Variants in ZNF627 observed in about 807,000 individuals in gnomAD.
The protein encoded by ZNF627 is zinc finger protein 627.
Under a neutral mutation model 10.6 loss-of-function variants are expected in ZNF627, and 12 were observed. That is an observed-to-expected ratio of 1.13 (90% CI 0.73 to 1.84). ZNF627 has a LOEUF of 1.84. ZNF627 is among the 40% of genes most tolerant of loss of function. The pLI, the probability that ZNF627 is intolerant of heterozygous loss-of-function variation, is 0.00. For missense variants in ZNF627, 504 were observed against 568.4 expected (o/e 0.89, Z 1.15); for synonymous variants, 176 against 187.1 (o/e 0.94, Z 0.48).
chr19:11,604,884 G>A (rs981211263), intron 1 of ZNF627, among the ~76,000 whole-genome samples: 2 of 152,014 alleles, frequency 1.3e-5, no homozygotes, highest in Non-Finnish European at 2.9e-5. Flanking sequence ...GGGTCTCATA[G>A]GTGGGAGAAA....
chr19:11,609,515 A>ATATATATG (rs1568441777), intron 1 of ZNF627, among the ~76,000 whole-genome samples: 6 of 92,966 alleles, frequency 6.5e-5, no homozygotes, highest in Admixed American at 3.4e-4. Flanking sequence ...ATATATATAT[A>ATATATATG]TATGTATTTT....
chr19:11,616,564 C>A (rs1470991796), intron 3 of ZNF627, 131 bp from the exon 4 acceptor site: 12 of 639,712 alleles, frequency 1.9e-5, no homozygotes, highest in Non-Finnish European at 2.5e-5. Flanking sequence ...TCAGGGTTCA[C>A]GCCTGGGCAA....
intron 1 of ZNF627, among the ~76,000 whole-genome samples, chr19:11,611,284 A>G (rs191358580): frequency 1.2e-3 from 177 of 152,086 alleles, no homozygotes; most frequent in African/African-American, 3.8e-3. Context: ...ACTTTTTACA[A>G]TTCCCTGGTT....
At chr19:11,607,148 T>C (rs985394472) in intron 1 of ZNF627, among the ~76,000 whole-genome samples, 3 of 152,182 alleles carry the variant, frequency 2.0e-5, no homozygotes, top group Admixed American at 6.6e-5. Context: ...TCTTTTCTTT[T>C]TTTTTGAGAC....
Position 11,616,932 on chromosome 19 carries a change from G to T in ZNF627, c.429G>T (p.Gln143His). 1 of 1,614,194 alleles carries T rather than the reference G, an allele frequency of 6.2e-7. No homozygotes were observed. The highest frequency in any genetic ancestry group is 1.1e-5 in the South Asian group (1 of 91,084). Reference protein sequence around the residue: ...EYGKKSYTRNQCGRALSYHRS... With the variant: ...EYGKKSYTRNHCGRALSYHRS... ...GAAAGAAGTCATATACACGTAACCAGTGTGGACGAGCCTTGAGTTATCATC... is the reference window on the plus strand; with the variant it reads ...GAAAGAAGTCATATACACGTAACCATTGTGGACGAGCCTTGAGTTATCATC... Residue 143 changes from glutamine (Q) to histidine (H), a missense_variant, in exon 4 of 4, where the codon CAG becomes CAT. Coordinates refer to ENST00000361113, the MANE Select transcript of ZNF627 (RefSeq NM_145295.4).
intron 1 of ZNF627, among the ~76,000 whole-genome samples, chr19:11,606,359 A>G (rs900539560): frequency 2.6e-5 from 4 of 151,864 alleles, no homozygotes; most frequent in African/African-American, 9.7e-5. Context: ...GAAAGAAAAA[A>G]AGAATCTCCT....
chr19:11,599,905 T>C (rs1272903779), intron 1 of ZNF627, among the ~76,000 whole-genome samples: 2 of 151,868 alleles, frequency 1.3e-5, no homozygotes, highest in African/African-American at 4.8e-5. Flanking sequence ...AGACTCTGTC[T>C]CAAAAAAAAA....
intron 1 of ZNF627, 107 bp downstream of exon 1, chr19:11,597,737 C>T: frequency 2.5e-6 from 3 of 1,212,442 alleles, no homozygotes; most frequent in Non-Finnish European, 3.2e-6. Flanking sequence ...ACTCCGGGGT[C>T]TGGGACCCGA....
Position 11,617,244 on chromosome 19 carries a change from A to G in ZNF627, c.741A>G (p.Gly247=). ...GAATACATGAAAGGACTCACACTGG[A>G]GATAAACCCTATGAATGCAAGCAGT... ...YIRIHERTHT[G]DKPYECKQCG... Residue 247 remains glycine (G), a synonymous_variant, in exon 4 of 4, where the codon GGA becomes GGG. Coordinates refer to ENST00000361113, the MANE Select transcript of ZNF627 (RefSeq NM_145295.4). 1 of 1,613,818 alleles carries G rather than the reference A, an allele frequency of 6.2e-7. No individual in the cohort carries two copies. The highest frequency in any genetic ancestry group is 8.5e-7 in the Non-Finnish European group (1 of 1,179,958).
chr19:11,616,122 C>G (rs1973863304), intron 3 of ZNF627, among the ~76,000 whole-genome samples: 1 of 151,188 alleles, frequency 6.6e-6, no homozygotes, highest in South Asian at 2.1e-4. Flanking sequence ...CACTGCACCT[C>G]TGCCTCCTGG....
intron 1 of ZNF627, among the ~76,000 whole-genome samples, chr19:11,603,118 T>G (rs9973303): frequency 0.59 from 89,816 of 151,856 alleles, 26,660 homozygotes; most frequent in Admixed American, 0.61. Context: ...GAGTTTTTTT[T>G]TGGTTTCTTT....
intron 1 of ZNF627, among the ~76,000 whole-genome samples, chr19:11,602,530 C>T (rs1179654396): frequency 6.6e-6 from 1 of 152,184 alleles, no homozygotes; most frequent in African/African-American, 2.4e-5. Context: ...ACATCCATCC[C>T]TTCCATTTCG....
In ZNF627 at chr19:11,617,591, A is replaced by G. The variant is rs371244302; in HGVS notation, c.1088A>G (p.Tyr363Cys). ...HERTHTGEKPYDCKQCGKAFS... is the reference protein window; with the variant it reads ...HERTHTGEKPCDCKQCGKAFS... Reference sequence around the variant, plus strand: ...AGGACCCACACTGGAGAGAAACCCTATGATTGTAAGCAATGTGGGAAAGCC... The same window carrying G: ...AGGACCCACACTGGAGAGAAACCCTGTGATTGTAAGCAATGTGGGAAAGCC... Residue 363 changes from tyrosine to cysteine, a missense_variant, in exon 4 of 4, where the codon TAT (tyrosine) becomes TGT (cysteine). Coordinates refer to ENST00000361113, the MANE Select transcript of ZNF627 (RefSeq NM_145295.4). 3.1e-6 allele frequency: 5 copies of G among 1,613,788 alleles called. No individual in the cohort carries two copies. The highest frequency in any genetic ancestry group is 2.7e-5 in the African/African-American group (2 of 74,910).
intron 1 of ZNF627, among the ~76,000 whole-genome samples, chr19:11,609,514 T>TATATATATATATATAC (rs1973734616): frequency 9.0e-6 from 1 of 111,598 alleles, no homozygotes; most frequent in African/African-American, 3.3e-5. Flanking sequence ...TATATATATA[T>TATATATATATATATAC]ATATGTATTT....
At chr19:11,615,409 G>C (rs1007375116) in intron 3 of ZNF627, among the ~76,000 whole-genome samples, 1 of 149,454 alleles carries the variant, frequency 6.7e-6, no homozygotes, top group Non-Finnish European at 1.5e-5. Flanking sequence ...GACCATCCTG[G>C]CTAACACGGT....
At position 11,597,639 on chromosome 19, in the gene ZNF627, G is replaced by A. The variant is rs199791519; in HGVS notation, c.3+9G>A. On this transcript the variant is annotated intron_variant, in intron 1 of 3. Transcript: ENST00000361113. Reference sequence around the variant, plus strand: ...CTGGAAGCCGAGAAATGGTGCGTGTGAGGGGTCAGGCGTCCCCAGACCTGG... The same window carrying A: ...CTGGAAGCCGAGAAATGGTGCGTGTAAGGGGTCAGGCGTCCCCAGACCTGG... 3.7e-6 allele frequency: 5 copies of A among 1,336,940 alleles called. No individual in the cohort carries two copies. In the Admixed American group the frequency reaches 1.2e-4, roughly 32 times the overall value. 82.8% of individuals were successfully genotyped at this position (1,336,940 alleles called of 1,614,324 possible).
intron 1 of ZNF627, among the ~76,000 whole-genome samples, chr19:11,598,156 CT>C (rs1308841107): frequency 6.6e-6 from 1 of 152,166 alleles, no homozygotes; most frequent in Non-Finnish European, 1.5e-5. Flanking sequence ...TGGACATTTT[CT>C]GCTTATGTAG....
chr19:11,598,392 T>C (rs1011857117), intron 1 of ZNF627, among the ~76,000 whole-genome samples: 1 of 152,122 alleles, frequency 6.6e-6, no homozygotes, highest in Admixed American at 6.6e-5. Context: ...AATGAACATA[T>C]TCAGACTGAG....
At chr19:11,612,610 G>C (rs900460561) in intron 1 of ZNF627, among the ~76,000 whole-genome samples, 3 of 151,496 alleles carry the variant, frequency 2.0e-5, no homozygotes, top group Non-Finnish European at 4.4e-5. Flanking sequence ...TAGTAGAGAT[G>C]GGGTTTCACC....
Sources: allele counts gnomAD v4.1 joint callset (sites outside exome capture counted in the v4.1 genomes callset), GRCh38; gene constraint gnomAD v4.1.1; transcripts MANE v1.5; gene names NCBI Gene and HGNC (gene_info 2026-07-23, HGNC 2026-07-21).